ABLIM2: variants seen among roughly 807,000 people sequenced by gnomAD.
ABLIM2 encodes the protein actin binding LIM protein family member 2, also known as actin-binding LIM protein 2.
ABLIM2 carries 53 observed loss-of-function variants against 97.7 expected under a neutral mutation model. The observed-to-expected ratio is 0.54, with a 90% CI of 0.44 to 0.68. The LOEUF (loss-of-function observed/expected upper bound fraction) is 0.68. ABLIM2 is among the 30% of genes least tolerant of loss of function. ABLIM2 has a pLI of 0.00. For synonymous variants in ABLIM2, 361 were observed against 345.8 expected, an observed-to-expected ratio of 1.04 and a Z score of -0.49; for missense variants, 835 against 867.2, an observed-to-expected ratio of 0.96 and a Z score of 0.47.
chr4:7,968,576 C>T (rs1247241096), intron 20 of ABLIM2, among the ~76,000 whole-genome samples: 2 of 152,210 alleles, frequency 1.3e-5, no homozygotes, highest in Non-Finnish European at 2.9e-5. Flanking sequence ...GGAAGCCAGA[C>T]ACCAAAGACC....
At chr4:8,007,991 T>C (rs1335855993) in intron 16 of ABLIM2, 68 bp downstream of exon 16, 2 of 1,593,680 alleles carry the variant, frequency 1.3e-6, no homozygotes, top group African/African-American at 2.7e-5. Flanking sequence ...TAGCTCTGAG[T>C]TCTGGGGCCT....
chr4:8,145,103 A>G (rs1363385500), intron 1 of ABLIM2, among the ~76,000 whole-genome samples: 1 of 152,030 alleles, frequency 6.6e-6, no homozygotes, highest in East Asian at 1.9e-4. Context: ...ATCACCCCAC[A>G]GGGCTTTGTG....
intron 8 of ABLIM2, among the ~76,000 whole-genome samples, chr4:8,047,851 T>G (rs1370762497): frequency 2.6e-5 from 4 of 152,208 alleles, no homozygotes; most frequent in Admixed American, 2.6e-4. Context: ...CAGCTCAAGG[T>G]GGGCTCAGGA....
intron 10 of ABLIM2, among the ~76,000 whole-genome samples, chr4:8,035,545 T>C (rs35449783): frequency 0.3 from 45,404 of 152,182 alleles, 6,874 homozygotes; most frequent in Middle Eastern, 0.37. Flanking sequence ...GCTGCGGTCA[T>C]GTTGAAACCT....
intron 1 of ABLIM2, among the ~76,000 whole-genome samples, chr4:8,106,873 G>A (rs542654229): frequency 6.6e-6 from 1 of 152,360 alleles, no homozygotes; most frequent in African/African-American, 2.4e-5. Context: ...TCAAGCCCCA[G>A]TGTGGGCTCC....
At chr4:8,031,875 C>T (rs1172731008) in intron 10 of ABLIM2, among the ~76,000 whole-genome samples, 1 of 152,114 alleles carries the variant, frequency 6.6e-6, no homozygotes, top group East Asian at 1.9e-4. Context: ...AGGTGTGTGT[C>T]ACCCATGCCT....
In ABLIM2 at chr4:8,106,655, A is replaced by C. The variant is rs1288276634; in HGVS notation, c.11-18T>G. ...CTGCGACACTGTTGGGAAAGAGAGA[A>C]GAGCAGCGTTCAAGGGTGGATGTGT... On this transcript the variant is annotated intron_variant, in intron 1 of 20. Coordinates refer to ENST00000447017, the MANE Select transcript of ABLIM2 (RefSeq NM_001130083.2). 1.3e-6 allele frequency: 2 copies of C among 1,594,624 alleles called. No individual in the cohort carries two copies. Among genetic ancestry groups the C allele is most frequent in the East Asian group, 4.5e-5 (2 of 44,746 alleles).
At chr4:8,097,347 G>A (rs751661917) in intron 2 of ABLIM2, 65 bp from the exon 3 acceptor site, 10 of 1,528,418 alleles carry the variant, frequency 6.5e-6, no homozygotes, top group Admixed American at 2.0e-5. Flanking sequence ...CCCCAGGCCC[G>A]AGGTGCACCC....
At chr4:8,039,755 T>C (rs946925437) in intron 9 of ABLIM2, among the ~76,000 whole-genome samples, 3 of 152,130 alleles carry the variant, frequency 2.0e-5, no homozygotes, top group African/African-American at 4.8e-5. Flanking sequence ...TGTGACCCCA[T>C]GTTATAAAAA....
chr4:7,968,104 G>A (rs1025287539), intron 20 of ABLIM2, among the ~76,000 whole-genome samples: 3 of 152,250 alleles, frequency 2.0e-5, no homozygotes, highest in African/African-American at 7.2e-5. Flanking sequence ...TTCCATCCAC[G>A]GGGATGCTTC....
chr4:8,158,237 C>T (rs1716034820), intron 1 of ABLIM2, among the ~76,000 whole-genome samples: 1 of 152,210 alleles, frequency 6.6e-6, no homozygotes, highest in South Asian at 2.1e-4. Flanking sequence ...CAGGCGCTGC[C>T]AGAGCGGCGC....
rs182822815 is a variant in ABLIM2 at position 7,986,963 on chromosome 4, G to A, written c.1681-2070C>T. Among the ~76,000 whole-genome samples, 43 of 152,208 alleles carry A rather than the reference G, an allele frequency of 2.8e-4. No individual in the cohort carries two copies. Among genetic ancestry groups the A allele is most frequent in the Admixed American group, 7.2e-4 (11 of 15,288 alleles). ...TGGGATTATAGGCATAAGCCACTGCGCCCGGTCATGCAAATAATTTTTAAT... is the reference window on the plus strand; with the variant it reads ...TGGGATTATAGGCATAAGCCACTGCACCCGGTCATGCAAATAATTTTTAAT... On this transcript the variant is annotated intron_variant, in intron 17 of 20. Coordinates refer to ENST00000447017, the MANE Select transcript of ABLIM2 (RefSeq NM_001130083.2). This position sits in a 1 kb window ranked among gnomAD's most constrained non-coding sequence, Gnocchi z 4.3.
intron 12 of ABLIM2, among the ~76,000 whole-genome samples, chr4:8,026,745 T>A (rs1219261775): frequency 5.3e-5 from 8 of 152,246 alleles, no homozygotes; most frequent in African/African-American, 1.9e-4. Context: ...CCTCTCACAG[T>A]GCTGGAGGCT....
At position 8,044,641 on chromosome 4, in the gene ABLIM2, G is replaced by GACACACACACACACACACAC. The variant is rs531358817; in HGVS notation, c.900+503_900+522dup. Among the ~76,000 whole-genome samples, 8 of 124,236 alleles carry GACACACACACACACACACAC rather than the reference G, an allele frequency of 6.4e-5. No individual in the cohort carries two copies. The highest frequency in any genetic ancestry group is 1.9e-4 in the African/African-American group (7 of 37,338). 81.5% of individuals were successfully genotyped at this position (124,236 alleles called of 152,430 possible). ...ATTATGGAAGCGTGTGAGGCGCACA[G>GACACACACACACACACACAC]ACACACACACACACACACACACACA... On this transcript the variant is annotated intron_variant, in intron 9 of 20. Coordinates refer to ENST00000447017, the MANE Select transcript of ABLIM2 (RefSeq NM_001130083.2). This position sits in a 1 kb window ranked among gnomAD's most constrained non-coding sequence, Gnocchi z 4.4.
Position 8,045,287 on chromosome 4 carries a change from G to A in ABLIM2, c.823-46C>T, listed in dbSNP as rs376845126. The A allele has an allele frequency of 5.4e-4, 827 of 1,539,736 alleles. 1 individual carries two copies. Among genetic ancestry groups the A allele is most frequent in the Non-Finnish European group, 7.2e-4 (800 of 1,112,354 alleles). ...AGATTGAAGGCAGGTACCAACATTCGGGGCCTTCAGAGGCGACTGTCAGGA... is the reference window on the plus strand; with the variant it reads ...AGATTGAAGGCAGGTACCAACATTCAGGGCCTTCAGAGGCGACTGTCAGGA... On this transcript the variant is annotated intron_variant, in intron 8 of 20. Transcript: ENST00000447017.
intron 1 of ABLIM2, among the ~76,000 whole-genome samples, chr4:8,129,102 G>T (rs1458630603): frequency 6.6e-6 from 1 of 152,088 alleles, no homozygotes; most frequent in Admixed American, 6.5e-5. Flanking sequence ...GCTGGGGGCA[G>T]AGGCCCTGGA....
In ABLIM2 at chr4:8,088,284, C is replaced by A. The variant is rs771514575; in HGVS notation, c.339G>T (p.Arg113=). ...CTCGGTCCCCGGGGGGGAAGGGCAGCCTGAAACAAGAGAGCTCGTTACCAG... is the reference window on the plus strand; with the variant it reads ...CTCGGTCCCCGGGGGGGAAGGGCAGACTGAAACAAGAGAGCTCGTTACCAG... ...HPDCFVCAVC[R]LPFPPGDRVT... The change falls in exon 4 of 21, where the codon CGG becomes CGT. Residue 113 remains arginine, a splice_region_variant and synonymous_variant. Transcript: ENST00000447017. 1.2e-6 allele frequency: 2 copies of A among 1,611,514 alleles called. No individual in the cohort carries two copies. The highest frequency in any genetic ancestry group is 1.7e-6 in the Non-Finnish European group (2 of 1,178,900).
At position 8,111,386 on chromosome 4, in the gene ABLIM2, T is replaced by C. The variant is rs377007586; in HGVS notation, c.11-4749A>G. Among the ~76,000 whole-genome samples the C allele has an allele frequency of 5.4e-4, 83 of 152,340 alleles. No individual in the cohort carries two copies. The East Asian group carries it at 0.011, about 21-fold the overall frequency. On this transcript the variant is annotated intron_variant, in intron 1 of 20. Transcript: ENST00000447017. ...GCAGTGACGCTGCTCTGGGCAATAC[T>C]GTAATGGTGGATCCACGACACTGTA...
Position 8,060,949 on chromosome 4 carries a change from A to G in ABLIM2, c.763+18T>C, listed in dbSNP as rs1398769817. 6.4e-7 allele frequency: 1 copy of G among 1,562,118 alleles called. No homozygotes were observed. The highest frequency in any genetic ancestry group is 1.2e-5 in the South Asian group (1 of 84,756). ...GTTCCTTGCTCTAGGGGACCAAACA[A>G]CACATTTTAATTTGTACCTTGAAGA... On this transcript the variant is annotated intron_variant, in intron 7 of 20. Transcript: ENST00000447017.
Sources: allele counts gnomAD v4.1 joint callset (sites outside exome capture counted in the v4.1 genomes callset), GRCh38; gene constraint gnomAD v4.1.1; non-coding constraint Gnocchi (gnomAD v3.1); transcripts MANE v1.5; gene names NCBI Gene and HGNC (gene_info 2026-07-23, HGNC 2026-07-21).